The following RPIA variants were observed in gnomAD, a reference collection of about 807,000 sequenced individuals.
The protein encoded by RPIA is ribose-5-phosphate isomerase.
In RPIA, 29 loss-of-function variants were observed where a neutral mutation model predicts 37.8. The observed-to-expected ratio is 0.77, with a 90% CI of 0.57 to 1.05. The LOEUF (loss-of-function observed/expected upper bound fraction) is 1.05. RPIA is among the 50% of genes least tolerant of loss of function. The pLI is 0.00. For synonymous variants in RPIA, 167 were observed against 157.0 expected (o/e 1.06, Z -0.48); for missense variants, 385 against 413.6 (o/e 0.93, Z 0.60).
rs1673493049 is a variant in RPIA, at chr2:88,750,531, T to A, written c.*453T>A. On this transcript the variant is annotated 3_prime_UTR_variant, in exon 9 of 9. Coordinates refer to ENST00000283646, the MANE Select transcript of RPIA (RefSeq NM_144563.3). ...CCTTACTGGAAACTTTGTTTACTTG[T>A]CTGCTACCCTCTGATTTGTTTTTAG... 2.4e-6 allele frequency: 1 copy of A among 417,912 alleles called. No homozygotes were observed. Among genetic ancestry groups the A allele is most frequent in the Non-Finnish European group, 4.2e-6 (1 of 237,080 alleles). 25.9% of individuals were successfully genotyped at this position (417,912 alleles called of 1,614,324 possible). A position where few individuals can be genotyped will look rare whatever the true frequency, so the allele number is the denominator to read the frequency against.
intron 3 of RPIA, among the ~76,000 whole-genome samples, chr2:88,728,831 T>G (rs2104124393): frequency 6.6e-6 from 1 of 152,042 alleles, no homozygotes; most frequent in Non-Finnish European, 1.5e-5. Context: ...TTCCTCATAT[T>G]TACTTAACAG....
intron 8 of RPIA, among the ~76,000 whole-genome samples, chr2:88,747,405 A>G (rs1673450803): frequency 6.6e-6 from 1 of 152,086 alleles, no homozygotes; most frequent in African/African-American, 2.4e-5. Context: ...GCCTGCCTGC[A>G]CCTTCGGCTG....
rs750097642 is a variant in RPIA, at chr2:88,691,913, C to A, written c.215C>A (p.Pro72His). ...GACTCCAACAGCATCTGCCCGGCCC[C>A]CTCCACGATGTCCAAGGCCGAGGAG... ...CGDSNSICPA[P>H]STMSKAEEAK... Residue 72 changes from proline (P) to histidine (H), a missense_variant, in exon 1 of 9, where the codon CCC becomes CAC. Pro to His is a moderately conservative substitution (Grantham distance 77, BLOSUM62 -2). This residue lies in a region of RPIA where 232 missense variants were observed against 203.0 expected (regional missense o/e 1.14). Coordinates refer to ENST00000283646, the MANE Select transcript of RPIA (RefSeq NM_144563.3). The A allele has an allele frequency of 6.3e-7, 1 of 1,595,280 alleles. No homozygotes were observed. Among genetic ancestry groups the A allele is most frequent in the Admixed American group, 1.8e-5 (1 of 56,850 alleles).
intron 3 of RPIA, among the ~76,000 whole-genome samples, chr2:88,706,384 C>T (rs557426104): frequency 6.7e-4 from 102 of 152,116 alleles, no homozygotes; most frequent in East Asian, 1.9e-3. Flanking sequence ...TAAAAAGGAA[C>T]GATATCATGT....
chr2:88,735,373 C>A (rs139657488), intron 5 of RPIA, among the ~76,000 whole-genome samples: 5 of 152,266 alleles, frequency 3.3e-5, no homozygotes, highest in African/African-American at 1.2e-4. Flanking sequence ...CATGCCATGT[C>A]CAGATGACAT....
intron 8 of RPIA, among the ~76,000 whole-genome samples, chr2:88,741,441 A>G (rs189945434): frequency 1.3e-5 from 2 of 152,062 alleles, no homozygotes; most frequent in African/African-American, 2.4e-5. Flanking sequence ...GTGTATGTGT[A>G]TATATATCAC....
chr2:88,737,958 G>A lies in RPIA; in HGVS notation c.739-19G>A, dbSNP rs758279517. On this transcript the variant is annotated intron_variant, in intron 7 of 8. Coordinates refer to ENST00000283646, the MANE Select transcript of RPIA (RefSeq NM_144563.3). ...ACCTGTATCTGCATCCTTGGTCACT[G>A]TGGAAAATTATCTTCTAGGGTCCTG... The A allele has an allele frequency of 1.4e-5, 22 of 1,591,662 alleles. No homozygotes were observed. The highest frequency in any genetic ancestry group is 1.7e-5 in the Non-Finnish European group (20 of 1,159,642).
At chr2:88,718,270 A>C (rs1489863073) in intron 3 of RPIA, among the ~76,000 whole-genome samples, 2 of 152,214 alleles carry the variant, frequency 1.3e-5, no homozygotes, top group East Asian at 3.8e-4. Context: ...ACTAAAGACA[A>C]ATCATGGTAG....
At position 88,729,381 on chromosome 2, in the gene RPIA, G is replaced by T. The variant is rs200168324; in HGVS notation, c.462+44G>T. The T allele has an allele frequency of 7.1e-6, 11 of 1,558,420 alleles. No individual in the cohort carries two copies. The South Asian group carries it at 1.1e-4, about 16-fold the overall frequency. ...GGCAGACCACTGCGTATTTCTTTCC[G>T]CTTTTTTATGGCTGTCACTTGTTCA... On this transcript the variant is annotated intron_variant, in intron 4 of 8. Transcript: ENST00000283646.
intron 1 of RPIA, among the ~76,000 whole-genome samples, chr2:88,697,129 A>G (rs1672757214): frequency 6.6e-6 from 1 of 152,252 alleles, no homozygotes; most frequent in Non-Finnish European, 1.5e-5. Flanking sequence ...GTATCTCTAT[A>G]CAGTCGTCAT....
At chr2:88,736,727 G>A (rs947581879) in intron 7 of RPIA, 51 bp downstream of exon 7, 5 of 1,584,172 alleles carry the variant, frequency 3.2e-6, no homozygotes, top group Middle Eastern at 1.7e-4. Context: ...CAGGTTTTCA[G>A]TGTGGTGTCC....
intron 3 of RPIA, among the ~76,000 whole-genome samples, chr2:88,702,199 G>A (rs552336712): frequency 5.1e-4 from 77 of 152,244 alleles, no homozygotes; most frequent in African/African-American, 1.7e-3. Flanking sequence ...TTACTTCATC[G>A]TAAAAGTAAC....
intron 3 of RPIA, among the ~76,000 whole-genome samples, chr2:88,727,096 T>C (rs368910181): frequency 1.5e-4 from 22 of 151,012 alleles, no homozygotes; most frequent in South Asian, 2.1e-4. Flanking sequence ...TGTGTGTGTG[T>C]GCGCGCGCAT....
chr2:88,698,538 C>G lies in RPIA; in HGVS notation c.340C>G (p.Arg114Gly), dbSNP rs532924455. The G allele has an allele frequency of 1.1e-5, 18 of 1,613,410 alleles. No individual in the cohort carries two copies. The highest frequency in any genetic ancestry group is 1.5e-5 in the Non-Finnish European group (18 of 1,179,476). The change falls in exon 2 of 9, where the codon CGA (arginine) becomes GGA (glycine). Residue 114 changes from arginine (R) to glycine (G), a missense_variant. Arg to Gly is a moderately radical substitution (Grantham distance 125, BLOSUM62 -2). Around this residue, in one of 2 missense-constraint regions of RPIA, gnomAD observed 232 missense variants for 203.0 expected, o/e 1.14. Transcript: ENST00000283646. ...SGSTIVHAVQRIAERVKQENL... is the reference protein window; with the variant it reads ...SGSTIVHAVQGIAERVKQENL... ...TTCTACAATTGTCCATGCTGTGCAG[C>G]GAATAGGTATGCTCTCTCACTGTCT... is the stretch of plus-strand genomic sequence containing the variant.
intron 3 of RPIA, among the ~76,000 whole-genome samples, chr2:88,704,112 A>G (rs1672869580): frequency 6.6e-6 from 1 of 152,216 alleles, no homozygotes; most frequent in South Asian, 2.1e-4. Flanking sequence ...AGGCCATTCA[A>G]CAAGTCTCCA....
At position 88,734,607 on chromosome 2, in the gene RPIA, A is replaced by G; in HGVS notation, c.518A>G (p.Lys173Arg). 6.2e-7 allele frequency: 1 copy of G among 1,614,186 alleles called. No individual in the cohort carries two copies. The change falls in exon 5 of 9, where the codon AAG (lysine) becomes AGG (arginine). Residue 173 changes from lysine (K) to arginine (R), a missense_variant. Physicochemically the swap from Lys to Arg is conservative, Grantham distance 26 (BLOSUM62 2). Around this residue, in one of 2 missense-constraint regions of RPIA, gnomAD observed 153 missense variants for 210.6 expected, o/e 0.73. Coordinates refer to ENST00000283646, the MANE Select transcript of RPIA (RefSeq NM_144563.3). ...GTAGATGCTGATCTCAATCTCATCA[A>G]GGGTGGCGGGTGAGTGTTGTGGGGG... ...DEVDADLNLI[K>R]GGGGCLTQEK...
intron 3 of RPIA, among the ~76,000 whole-genome samples, chr2:88,711,022 G>A (rs1420434539): frequency 6.6e-6 from 1 of 152,200 alleles, no homozygotes; most frequent in Admixed American, 6.5e-5. Flanking sequence ...TACAACTTAA[G>A]TGTTTTCCTG....
intron 3 of RPIA, among the ~76,000 whole-genome samples, chr2:88,712,805 C>T: frequency 6.6e-6 from 1 of 152,086 alleles, no homozygotes; most frequent in Non-Finnish European, 1.5e-5. Flanking sequence ...CTTGGGGTCT[C>T]CCTTCACAGT....
At position 88,734,541 on chromosome 2, in the gene RPIA, C is replaced by G. The variant is rs375200964; in HGVS notation, c.463-11C>G. ...AGTGGTTTTTGTATCTTTACCTTTC[C>G]CCCAATACAGATCGACCTTGCCATC... is the stretch of plus-strand genomic sequence containing the variant. On this transcript the variant is annotated splice_polypyrimidine_tract_variant and intron_variant, in intron 4 of 8. Coordinates refer to ENST00000283646, the MANE Select transcript of RPIA (RefSeq NM_144563.3). 1 of 1,613,970 alleles carries G rather than the reference C, an allele frequency of 6.2e-7. No individual in the cohort carries two copies.
Sources: gnomAD v4.1 joint callset for allele counts (sites outside exome capture counted in the v4.1 genomes callset) on GRCh38, gnomAD v4.1.1 for gene constraint, gnomAD v4.1.1 regional missense constraint, MANE v1.5 for transcripts, NCBI Gene and HGNC (gene_info 2026-07-23, HGNC 2026-07-21) for gene names.